The following FKBP5 variants were observed in gnomAD, a reference collection of about 807,000 sequenced individuals.
FKBP5 encodes FKBP prolyl isomerase 5, also known as peptidyl-prolyl cis-trans isomerase FKBP5.
A neutral mutation model predicts 50.5 loss-of-function variants in FKBP5; 23 were observed. The ratio of observed to expected loss-of-function variants is 0.46; its 90% CI spans 0.33 to 0.65. FKBP5 has a LOEUF of 0.65. Among genes scored for constraint, FKBP5 ranks in the 30% least tolerant of loss-of-function variants. The pLI, the probability that FKBP5 is intolerant of heterozygous loss-of-function variation, is 0.02. For synonymous variants in FKBP5, 176 were observed against 190.6 expected (o/e 0.92, Z 0.63); for missense variants, 411 against 553.1 (o/e 0.74, Z 2.58).
chr6:35,636,955 A>G, intron 3 of FKBP5, 59 bp downstream of exon 3: 2 of 1,446,954 alleles, frequency 1.4e-6, no homozygotes, highest in Non-Finnish European at 1.9e-6. Flanking sequence ...CTCTGCTCCT[A>G]TATATTACAA....
intron 7 of FKBP5, among the ~76,000 whole-genome samples, chr6:35,588,405 A>C (rs1762681570): frequency 1.3e-5 from 2 of 152,112 alleles, no homozygotes; most frequent in African/African-American, 4.8e-5. Context: ...ATGTAGCTCA[A>C]ATTACTCAAA....
intron 5 of FKBP5, among the ~76,000 whole-genome samples, chr6:35,604,786 C>T (rs1161371545): frequency 6.6e-6 from 1 of 151,838 alleles, no homozygotes; most frequent in Non-Finnish European, 1.5e-5. Flanking sequence ...TGGTTTTCTA[C>T]ACAGTGTTTT....
intron 7 of FKBP5, among the ~76,000 whole-genome samples, chr6:35,590,064 A>C (rs1762765126): frequency 6.6e-6 from 1 of 152,200 alleles, no homozygotes; most frequent in African/African-American, 2.4e-5. Flanking sequence ...TTGGGAGGCC[A>C]AGGCAGGAGG....
At chr6:35,621,991 C>A (rs1403307752) in intron 3 of FKBP5, among the ~76,000 whole-genome samples, 2 of 151,708 alleles carry the variant, frequency 1.3e-5, no homozygotes, top group African/African-American at 4.8e-5. Context: ...TCTCAAAAAA[C>A]AAAAACAAAA....
chr6:35,671,885 T>C (rs1425693766), intron 1 of FKBP5, among the ~76,000 whole-genome samples: 1 of 152,128 alleles, frequency 6.6e-6, no homozygotes, highest in Non-Finnish European at 1.5e-5. Flanking sequence ...TTTTTTTTTT[T>C]TGAGACGGAG....
At position 35,637,017 on chromosome 6, in the gene FKBP5, TGCC is replaced by T. The variant is rs1764327165; in HGVS notation, c.244_246del (p.Gly82del). On this transcript the variant is annotated inframe_deletion, in exon 3 of 11. Coordinates refer to ENST00000357266, the MANE Select transcript of FKBP5 (RefSeq NM_004117.4). Reference sequence around the variant, plus strand: ...ACTCAAAAAAATACCCTCTTACCTTTGCCAAGACTAAAGACAAATGGTTCATTT... The same window carrying T: ...ACTCAAAAAAATACCCTCTTACCTTTAAGACTAAAGACAAATGGTTCATTT... The T allele has an allele frequency of 6.3e-7, 1 of 1,594,202 alleles. No homozygotes were observed. Among genetic ancestry groups the T allele is most frequent in the South Asian group, 1.2e-5 (1 of 86,732 alleles).
intron 1 of FKBP5, among the ~76,000 whole-genome samples, chr6:35,652,461 C>G (rs1383109395): frequency 1.3e-5 from 2 of 152,152 alleles, no homozygotes; most frequent in Non-Finnish European, 2.9e-5. Flanking sequence ...AAAGAGAATG[C>G]GCACCTAGGG....
At chr6:35,652,112 A>G (rs997989001) in intron 1 of FKBP5, among the ~76,000 whole-genome samples, 1 of 152,228 alleles carries the variant, frequency 6.6e-6, no homozygotes, top group Non-Finnish European at 1.5e-5. Flanking sequence ...GATTTCATGG[A>G]CACTTATCAC....
At chr6:35,651,654 G>A (rs1764801455) in intron 1 of FKBP5, among the ~76,000 whole-genome samples, 1 of 152,144 alleles carries the variant, frequency 6.6e-6, no homozygotes, top group Non-Finnish European at 1.5e-5. Flanking sequence ...TGATTAGGTT[G>A]AGCATTCCTA....
intron 3 of FKBP5, among the ~76,000 whole-genome samples, 187 bp from the exon 4 acceptor site, chr6:35,620,461 T>C (rs1763797745): frequency 6.6e-6 from 1 of 151,892 alleles, no homozygotes; most frequent in Admixed American, 6.6e-5. Flanking sequence ...TCACAAAAGA[T>C]TCCCTGTTGA....
chr6:35,695,013 T>C (rs1766060225), intron 2 of FKBP5, among the ~76,000 whole-genome samples: 1 of 152,314 alleles, frequency 6.6e-6, no homozygotes, highest in African/African-American at 2.4e-5. Flanking sequence ...AAACTTTATT[T>C]ACAAAAACAC....
At chr6:35,687,369 G>C (rs1765857196) in intron 1 of FKBP5, among the ~76,000 whole-genome samples, 1 of 152,152 alleles carries the variant, frequency 6.6e-6, no homozygotes. Context: ...ATGGTGAAGT[G>C]AAAGTATGAC....
chr6:35,648,125 G>A (rs1764680411), intron 1 of FKBP5, among the ~76,000 whole-genome samples: 1 of 152,206 alleles, frequency 6.6e-6, no homozygotes, highest in Admixed American at 6.5e-5. Context: ...GGTGGGGCCA[G>A]GGTAATGGTG....
chr6:35,714,661 A>C (rs534451271), intron 2 of FKBP5, among the ~76,000 whole-genome samples: 4 of 151,518 alleles, frequency 2.6e-5, no homozygotes, highest in African/African-American at 9.7e-5. Flanking sequence ...TACTAAAAAT[A>C]CAAAAATTAG....
intron 9 of FKBP5, among the ~76,000 whole-genome samples, chr6:35,578,055 C>CAAAA (rs143946034): frequency 1.3e-4 from 14 of 104,298 alleles, no homozygotes; most frequent in African/African-American, 4.8e-4. Flanking sequence ...CTCTTGTCTC[C>CAAAA]AAAAAAAAAA....
At chr6:35,724,718 T>A (rs1001418829) in intron 1 of FKBP5, among the ~76,000 whole-genome samples, 3 of 149,730 alleles carry the variant, frequency 2.0e-5, no homozygotes, top group Non-Finnish European at 4.4e-5. Flanking sequence ...ATCTCCCCAC[T>A]GTACTCCAGC....
intron 1 of FKBP5, among the ~76,000 whole-genome samples, chr6:35,684,729 C>A (rs1765774407): frequency 6.6e-6 from 1 of 152,094 alleles, no homozygotes; most frequent in African/African-American, 2.4e-5. Flanking sequence ...AAATGTTTTC[C>A]AAGAGGCTAT....
At chr6:35,599,464 C>T (rs1294153528) in intron 5 of FKBP5, among the ~76,000 whole-genome samples, 1 of 152,186 alleles carries the variant, frequency 6.6e-6, no homozygotes, top group East Asian at 1.9e-4. Context: ...TGCTCTAAAG[C>T]GTTCTACCCT....
chr6:35,582,267 A>C (rs1335167437), intron 8 of FKBP5: 4 of 985,266 alleles, frequency 4.1e-6, no homozygotes. Context: ...ATTTTATTTT[A>C]AATGCTGAAA....
Sources: allele counts gnomAD v4.1 joint callset (sites outside exome capture counted in the v4.1 genomes callset), GRCh38; gene constraint gnomAD v4.1.1; transcripts MANE v1.5; gene names NCBI Gene and HGNC (gene_info 2026-07-23, HGNC 2026-07-21).